PLAGL1: variants seen among roughly 807,000 people sequenced by gnomAD.
PLAGL1 encodes the protein zinc finger protein PLAGL1.
PLAGL1 carries 1 observed loss-of-function variant against 4.6 expected under a neutral mutation model. The observed-to-expected ratio is 0.22, with a 90% CI of 0.08 to 1.03. PLAGL1 has a LOEUF of 1.03. PLAGL1 is among the 50% of genes least tolerant of loss of function. The probability of loss-of-function intolerance (pLI) is 0.58; values close to 1 mark genes in which losing one functional copy is unlikely to be tolerated. For synonymous variants in PLAGL1, 240 were observed against 237.8 expected (o/e 1.01, Z -0.08); for missense variants, 464 against 570.4 (o/e 0.81, Z 1.90).
rs1162644117 is a variant in PLAGL1 at position 143,942,066 on chromosome 6, G to A, written c.750C>T (p.Asn250=). ...PPFPLGASAQ[N]GLASSLPAEV... The stretch of plus-strand genomic sequence containing the variant: ...CAGCTGGCAAGCTACTTGCAAGCCC[G>A]TTCTGGGCAGAAGCTCCTAAAGGGA... The change falls in exon 8 of 8, where the codon AAC becomes AAT. Residue 250 remains asparagine, a synonymous_variant. Transcript: ENST00000674357. The surrounding 1 kb of genome is among the most constrained non-coding windows in gnomAD (Gnocchi z 7.6). The A allele has an allele frequency of 5.6e-6, 9 of 1,613,024 alleles. No homozygotes were observed. The highest frequency in any genetic ancestry group is 1.1e-5 in the South Asian group (1 of 90,948).
At position 144,046,800 on chromosome 6, in the gene PLAGL1, G is replaced by A. The variant is rs766746005; in HGVS notation, c.-151+17668C>T. ...CAGCTATGCCCTGCCCCCAAAGGTG[G>A]AGTCTACAGAGGCAGGCAGGCAGGC... On this transcript the variant is annotated intron_variant, in intron 1 of 3. Coordinates refer to the PLAGL1 transcript ENST00000437412. Among the ~76,000 whole-genome samples the A allele has an allele frequency of 1.7e-4, 26 of 152,212 alleles. 1 individual carries two copies. The highest frequency in any genetic ancestry group is 2.1e-4 in the Non-Finnish European group (14 of 68,036).
In PLAGL1 at chr6:143,941,897, A is replaced by T; in HGVS notation, c.919T>A (p.Ser307Thr). 2 of 1,613,868 alleles carry T rather than the reference A, an allele frequency of 1.2e-6. No homozygotes were observed. Among genetic ancestry groups the T allele is most frequent in the Non-Finnish European group, 1.7e-6 (2 of 1,179,968 alleles). The change falls in exon 8 of 8, where the codon TCT (serine) becomes ACT (threonine). Residue 307 changes from serine (S) to threonine (T), a missense_variant. Coordinates refer to ENST00000674357, the MANE Select transcript of PLAGL1 (RefSeq NM_001317162.2). This position sits in a 1 kb window ranked among gnomAD's most constrained non-coding sequence, Gnocchi z 6.0. ...PLPNHKYNTT[S>T]TSYSPLASLP... ...CTTGCAAGTGGGGAGTATGAGGTAG[A>T]AGTGGTGTTGTACTTGTGATTGGGA...
chr6:144,048,592 G>A lies in PLAGL1; in HGVS notation c.-151+15876C>T, dbSNP rs1309686933. On this transcript the variant is annotated intron_variant, in intron 1 of 3. Coordinates refer to the PLAGL1 transcript ENST00000437412. The surrounding 1 kb of genome is among the most constrained non-coding windows in gnomAD (Gnocchi z 4.8). Reference sequence around the variant, plus strand: ...AGTCTCTGAAGCAATGGCTTGAGCTGTATGTTGGCCCCTTTTAGCTATGGC... The same window carrying A: ...AGTCTCTGAAGCAATGGCTTGAGCTATATGTTGGCCCCTTTTAGCTATGGC... 1.3e-5 allele frequency among the ~76,000 whole-genome samples: 2 copies of A among 152,232 alleles called. No individual in the cohort carries two copies. Among genetic ancestry groups the A allele is most frequent in the Admixed American group, 1.3e-4 (2 of 15,282 alleles).
At position 144,016,351 on chromosome 6, in the gene PLAGL1, C is replaced by T. The variant is rs377434048; in HGVS notation, c.-150-47373G>A. ...CACATTTTTCTGCCTGCCTTACATT[C>T]GCTGGCACCTGACTAGATTATGCCC... On this transcript the variant is annotated intron_variant, in intron 1 of 3. Transcript: ENST00000437412. This position sits in a 1 kb window ranked among gnomAD's most constrained non-coding sequence, Gnocchi z 4.2. Among the ~76,000 whole-genome samples the T allele has an allele frequency of 1.2e-4, 19 of 152,268 alleles. No homozygotes were observed. In the East Asian group the frequency reaches 3.1e-3, roughly 25 times the overall value.
At chr6:143,987,582 G>T (rs1375658684) in intron 1 of PLAGL1, among the ~76,000 whole-genome samples, 1 of 151,186 alleles carries the variant, frequency 6.6e-6, no homozygotes, top group Non-Finnish European at 1.5e-5. Context: ...GTAAGCAAAA[G>T]ATCAGGGTGA....
chr6:143,986,033 C>A (rs1301743842), intron 1 of PLAGL1, among the ~76,000 whole-genome samples: 1 of 120,000 alleles, frequency 8.3e-6, no homozygotes, highest in Admixed American at 8.7e-5. Context: ...TTTACCAAAC[C>A]TTTGATGTAT....
At chr6:144,049,083 G>A (rs189356015) in intron 1 of PLAGL1, among the ~76,000 whole-genome samples, 1 of 152,336 alleles carries the variant, frequency 6.6e-6, no homozygotes, top group Non-Finnish European at 1.5e-5. Flanking sequence ...CTCTAGGGCA[G>A]GGGCAAAATG....
At chr6:144,003,228 T>TC (rs549226668) in intron 1 of PLAGL1, among the ~76,000 whole-genome samples, 4 of 151,626 alleles carry the variant, frequency 2.6e-5, no homozygotes, top group East Asian at 3.9e-4. Flanking sequence ...TAAATCTTGA[T>TC]CCCCCCCTCA....
intron 1 of PLAGL1, among the ~76,000 whole-genome samples, chr6:144,029,375 G>T (rs1345097974): frequency 6.6e-6 from 1 of 152,272 alleles, no homozygotes; most frequent in East Asian, 1.9e-4. Flanking sequence ...AACCTGATGG[G>T]GTGGGAGCAG....
intron 1 of PLAGL1, among the ~76,000 whole-genome samples, chr6:144,052,477 T>A (rs891068961): frequency 5.3e-5 from 8 of 152,232 alleles, no homozygotes. Flanking sequence ...TCATCCATAA[T>A]GAACATGGGG....
chr6:144,048,341 CA>C lies in PLAGL1; in HGVS notation c.-151+16126del, dbSNP rs978467483. ...CTCACAGCTCCATTAGGCAGTGCCC[CA>C]GTGGGGACTCTGTGTGGGGGCTCCA... On this transcript the variant is annotated intron_variant, in intron 1 of 3. Coordinates refer to the PLAGL1 transcript ENST00000437412. The surrounding 1 kb of genome is among the most constrained non-coding windows in gnomAD (Gnocchi z 4.8). 6.6e-6 allele frequency among the ~76,000 whole-genome samples: 1 copy of C among 152,182 alleles called. No individual in the cohort carries two copies. Among genetic ancestry groups the C allele is most frequent in the Non-Finnish European group, 1.5e-5 (1 of 68,018 alleles).
rs1375260885 is a variant in PLAGL1 at position 143,975,100 on chromosome 6, A to G, written c.-543-6122T>C. Among the ~76,000 whole-genome samples the G allele has an allele frequency of 1.3e-5, 2 of 152,234 alleles. No individual in the cohort carries two copies. Among genetic ancestry groups the G allele is most frequent in the East Asian group, 3.8e-4 (2 of 5,206 alleles). ...AGAGGTAAATTGACTTGCCAAAGTCATAGAACTAATAATCAGCAGTTAAAA... is the reference window on the plus strand; with the variant it reads ...AGAGGTAAATTGACTTGCCAAAGTCGTAGAACTAATAATCAGCAGTTAAAA... On this transcript the variant is annotated intron_variant, in intron 2 of 7. Transcript: ENST00000674357. The surrounding 1 kb of genome is among the most constrained non-coding windows in gnomAD (Gnocchi z 5.8).
At position 144,004,474 on chromosome 6, in the gene PLAGL1, A is replaced by G. The variant is rs962318203; in HGVS notation, c.-584+3616T>C. Among the ~76,000 whole-genome samples the G allele has an allele frequency of 2.6e-5, 4 of 152,264 alleles. No homozygotes were observed. The highest frequency in any genetic ancestry group is 9.6e-5 in the African/African-American group (4 of 41,478). On this transcript the variant is annotated intron_variant, in intron 1 of 7. Coordinates refer to ENST00000674357, the MANE Select transcript of PLAGL1 (RefSeq NM_001317162.2). This position sits in a 1 kb window ranked among gnomAD's most constrained non-coding sequence, Gnocchi z 4.2. The stretch of plus-strand genomic sequence containing the variant: ...ATTCTTATACATGCAACATGGATGA[A>G]TACAATGTGAACAAAAGAATAAACT...
Position 143,954,117 on chromosome 6 carries a change from T to C in PLAGL1, c.-324-5657A>G, listed in dbSNP as rs1465907830. Among the ~76,000 whole-genome samples the C allele has an allele frequency of 6.7e-6, 1 of 149,324 alleles. No homozygotes were observed. Among genetic ancestry groups the C allele is most frequent in the Non-Finnish European group, 1.5e-5 (1 of 67,230 alleles). On this transcript the variant is annotated intron_variant, in intron 6 of 7. Coordinates refer to ENST00000674357, the MANE Select transcript of PLAGL1 (RefSeq NM_001317162.2). The surrounding 1 kb of genome is among the most constrained non-coding windows in gnomAD (Gnocchi z 5.1). ...GAGCAAACCATAAGGACAAAGGGGG[T>C]TTCCTCCAGGGGTCGCCACCTTACC...
chr6:144,013,119 T>C (rs1474255710), upstream of PLAGL1, among the ~76,000 whole-genome samples: 2 of 152,210 alleles, frequency 1.3e-5, no homozygotes, highest in Admixed American at 1.3e-4. The surrounding 1 kb of genome is among the most constrained non-coding windows in gnomAD (Gnocchi z 4.4). Context: ...AATCACACTT[T>C]TTCTCTAAGT....
At position 143,950,795 on chromosome 6, in the gene PLAGL1, C is replaced by T. The variant is rs1288761772; in HGVS notation, c.-324-2335G>A. ...TTTATGAGATGACTGGCATGTCCAA[C>T]AGAACTTTCTGCAATGATGGAAATG... On this transcript the variant is annotated intron_variant, in intron 6 of 7. Coordinates refer to ENST00000674357, the MANE Select transcript of PLAGL1 (RefSeq NM_001317162.2). This position sits in a 1 kb window ranked among gnomAD's most constrained non-coding sequence, Gnocchi z 6.3. Among the ~76,000 whole-genome samples, 2 of 152,178 alleles carry T rather than the reference C, an allele frequency of 1.3e-5. No homozygotes were observed. The highest frequency in any genetic ancestry group is 2.9e-5 in the Non-Finnish European group (2 of 68,024).
rs537626165 is a variant in PLAGL1, at chr6:144,016,979, G to A, written c.-151+47489C>T. On this transcript the variant is annotated intron_variant, in intron 1 of 3. Coordinates refer to the PLAGL1 transcript ENST00000437412. This position sits in a 1 kb window ranked among gnomAD's most constrained non-coding sequence, Gnocchi z 4.2. ...TGGCAGAGGTGAAACCTGACCTAGA[G>A]CCTTCTCTTGGACTCCTAATCCAGT... is the stretch of plus-strand genomic sequence containing the variant. Among the ~76,000 whole-genome samples the A allele has an allele frequency of 6.6e-6, 1 of 152,122 alleles. No homozygotes were observed. The highest frequency in any genetic ancestry group is 6.5e-5 in the Admixed American group (1 of 15,272).
rs1797538952 is a variant in PLAGL1, at chr6:144,039,367, T to TA, written c.-151+25100dup. 6.6e-6 allele frequency among the ~76,000 whole-genome samples: 1 copy of TA among 152,130 alleles called. No homozygotes were observed. Among genetic ancestry groups the TA allele is most frequent in the Non-Finnish European group, 1.5e-5 (1 of 68,018 alleles). The stretch of plus-strand genomic sequence containing the variant: ...TGGGAGGCAGAAGTGGGTGGATCAT[T>TA]AGAGGCCCAAAGTTTGAAACCAGTC... On this transcript the variant is annotated intron_variant, in intron 1 of 3. Transcript: ENST00000437412. This position sits in a 1 kb window ranked among gnomAD's most constrained non-coding sequence, Gnocchi z 4.1.
Position 143,989,570 on chromosome 6 carries a change from A to T in PLAGL1, c.-583-4396T>A, listed in dbSNP as rs1020337033. Among the ~76,000 whole-genome samples, 1 of 152,182 alleles carries T rather than the reference A, an allele frequency of 6.6e-6. No individual in the cohort carries two copies. Among genetic ancestry groups the T allele is most frequent in the African/African-American group, 2.4e-5 (1 of 41,444 alleles). ...TATACCCCTGGTTCCTCTGCTTCTC[A>T]GGCGTTCAGCCTTGGACCAGAATCA... On this transcript the variant is annotated intron_variant, in intron 1 of 7. Transcript: ENST00000674357. The surrounding 1 kb of genome is among the most constrained non-coding windows in gnomAD (Gnocchi z 4.8).
Sources: gnomAD v4.1 joint callset for allele counts (sites outside exome capture counted in the v4.1 genomes callset) on GRCh38, gnomAD v4.1.1 for gene constraint, Gnocchi (gnomAD v3.1) non-coding constraint, MANE v1.5 for transcripts, NCBI Gene and HGNC (gene_info 2026-07-23, HGNC 2026-07-21) for gene names.